Variants in EPHA8 observed in about 807,000 individuals in gnomAD.
The protein encoded by EPHA8 is EPH receptor A8.
EPHA8 carries 58 observed loss-of-function variants against 103.6 expected under a neutral mutation model. The ratio of observed to expected loss-of-function variants is 0.56; its 90% CI spans 0.45 to 0.70. EPHA8 has a LOEUF of 0.70. Among genes scored for constraint, EPHA8 ranks in the 30% least tolerant of loss-of-function variants. The pLI, the probability that EPHA8 is intolerant of heterozygous loss-of-function variation, is 0.00. For missense variants in EPHA8, 1,304 were observed against 1,395.2 expected (o/e 0.93, Z 1.04); for synonymous variants, 559 against 572.5 (o/e 0.98, Z 0.34).
At chr1:22,596,607 C>T (rs747608796) in intron 9 of EPHA8, among the ~76,000 whole-genome samples, 14 of 152,320 alleles carry the variant, frequency 9.2e-5, no homozygotes, top group Non-Finnish European at 2.1e-4. Context: ...GGTGCAGCCT[C>T]AGACTCCTCC....
Position 22,597,298 on chromosome 1 carries a change from C to T in EPHA8, c.1766-14C>T, listed in dbSNP as rs1056950438. The stretch of plus-strand genomic sequence containing the variant: ...CTCCTGGGCCCCACTGAAGGCCCTC[C>T]TCCCGCCCCTCAGCACCCCCACCTG... On this transcript the variant is annotated splice_polypyrimidine_tract_variant and intron_variant, in intron 9 of 16. Transcript: ENST00000166244. This position sits in a 1 kb window ranked among gnomAD's most constrained non-coding sequence, Gnocchi z 4.6. 1.3e-6 allele frequency: 2 copies of T among 1,589,746 alleles called. No homozygotes were observed. Among genetic ancestry groups the T allele is most frequent in the Non-Finnish European group, 1.7e-6 (2 of 1,162,332 alleles).
At chr1:22,568,170 C>T (rs1224289751) in intron 1 of EPHA8, among the ~76,000 whole-genome samples, 1 of 152,198 alleles carries the variant, frequency 6.6e-6, no homozygotes, top group African/African-American at 2.4e-5. Context: ...TTTCCTGACC[C>T]TCATCCCACC....
At chr1:22,568,924 G>T (rs562858067) in intron 1 of EPHA8, among the ~76,000 whole-genome samples, 1 of 152,334 alleles carries the variant, frequency 6.6e-6, no homozygotes, top group East Asian at 1.9e-4. Flanking sequence ...GAGGGGGCTT[G>T]CCCAGGGACT....
intron 16 of EPHA8, 60 bp downstream of exon 16, chr1:22,601,533 C>G: frequency 6.2e-7 from 1 of 1,600,918 alleles, no homozygotes; most frequent in Non-Finnish European, 8.5e-7. Flanking sequence ...GGACCCCTGC[C>G]GGGGAGGCTA....
At position 22,601,724 on chromosome 1, in the gene EPHA8, C is replaced by T. The variant is rs1275624041; in HGVS notation, c.3001C>T (p.Pro1001Ser). 1 of 1,562,652 alleles carries T rather than the reference C, an allele frequency of 6.4e-7. No individual in the cohort carries two copies. Among genetic ancestry groups the T allele is most frequent in the Non-Finnish European group, 8.7e-7 (1 of 1,153,764 alleles). The change falls in exon 17 of 17, where the codon CCC (proline) becomes TCC (serine). Residue 1001 changes from proline (P) to serine (S), a missense_variant. By Grantham distance (74) the Pro-to-Ser change is moderately conservative. Coordinates refer to ENST00000166244, the MANE Select transcript of EPHA8 (RefSeq NM_020526.5). ...GGCCCAGCTGACCAGCACCCAGGGG[C>T]CCCGCCGGCACCTCTGATGTACAGC... ...MRAQLTSTQGPRRHL is the reference protein window; with the variant it reads ...MRAQLTSTQGSRRHL
chr1:22,594,953 C>T (rs1008481277), intron 7 of EPHA8, among the ~76,000 whole-genome samples: 3 of 152,310 alleles, frequency 2.0e-5, no homozygotes, highest in Admixed American at 2.0e-4. Context: ...TCAGAGGACA[C>T]GCGACTCTTC....
chr1:22,595,212 C>G lies in EPHA8; in HGVS notation c.1604-18C>G. 1 of 1,599,252 alleles carries G rather than the reference C, an allele frequency of 6.3e-7. No individual in the cohort carries two copies. Among genetic ancestry groups the G allele is most frequent in the East Asian group, 2.3e-5 (1 of 44,410 alleles). On this transcript the variant is annotated intron_variant, in intron 7 of 16. Coordinates refer to ENST00000166244, the MANE Select transcript of EPHA8 (RefSeq NM_020526.5). ...AGGGCTGAGAGCCTGGTCCCCCAACCCTGGCTTTCCCCTGCAGGGCCCCGC... is the reference window on the plus strand; with the variant it reads ...AGGGCTGAGAGCCTGGTCCCCCAACGCTGGCTTTCCCCTGCAGGGCCCCGC...
intron 5 of EPHA8, among the ~76,000 whole-genome samples, chr1:22,590,080 C>T (rs1210037250): frequency 1.3e-5 from 2 of 152,230 alleles, no homozygotes; most frequent in East Asian, 3.9e-4. Context: ...TGCTCCCTGA[C>T]GCCAGGGCCT....
chr1:22,574,443 G>A (rs543490730), intron 2 of EPHA8, among the ~76,000 whole-genome samples: 16 of 152,164 alleles, frequency 1.1e-4, no homozygotes, highest in Non-Finnish European at 1.6e-4. Flanking sequence ...CCTGCAAAAC[G>A]GAAACTCCAC....
chr1:22,601,410 A>AC lies in EPHA8; in HGVS notation c.2842dup (p.Arg948ProfsTer82). 1 of 1,611,288 alleles carries AC rather than the reference A, an allele frequency of 6.2e-7. No individual in the cohort carries two copies. On this transcript the variant is annotated frameshift_variant, in exon 16 of 17. Transcript: ENST00000166244. LOFTEE classifies it high-confidence loss of function. Reference sequence around the variant, plus strand: ...CTGGACTCCATCCGCATGGGCCGGTACCGAGACCACTTCGCTGCGGGCGGA... The same window carrying AC: ...CTGGACTCCATCCGCATGGGCCGGTACCCGAGACCACTTCGCTGCGGGCGGA...
At chr1:22,583,391 T>G (rs1219203105) in intron 3 of EPHA8, among the ~76,000 whole-genome samples, 2 of 152,370 alleles carry the variant, frequency 1.3e-5, no homozygotes, top group East Asian at 3.9e-4. Context: ...GTGTGAGAAC[T>G]GCCGACTGGT....
chr1:22,596,591 G>A (rs1172984918), intron 9 of EPHA8, among the ~76,000 whole-genome samples: 2 of 152,140 alleles, frequency 1.3e-5, no homozygotes, highest in Non-Finnish European at 2.9e-5. Flanking sequence ...ATTCCCACCA[G>A]GCCTGGGTGC....
chr1:22,576,874 T>C lies in EPHA8; in HGVS notation c.817T>C (p.Cys273Arg), dbSNP rs762414738. Residue 273 changes from cysteine (C) to arginine (R), a missense_variant, in exon 3 of 17, where the codon TGT becomes CGT. By Grantham distance (180) the Cys-to-Arg change is radical. Transcript: ENST00000166244. This position sits in a 1 kb window ranked among gnomAD's most constrained non-coding sequence, Gnocchi z 4.8. ...SAGYEERRDA[C>R]VACELGFYKS... ...CGGCTACGAGGAGCGGCGGGATGCCTGTGTGGGTGAGCGCGCCATGGCCTG... is the reference window on the plus strand; with the variant it reads ...CGGCTACGAGGAGCGGCGGGATGCCCGTGTGGGTGAGCGCGCCATGGCCTG... The C allele has an allele frequency of 1.3e-6, 2 of 1,586,942 alleles. No individual in the cohort carries two copies. The highest frequency in any genetic ancestry group is 2.3e-5 in the South Asian group (2 of 87,698).
Position 22,576,215 on chromosome 1 carries a change from A to G in EPHA8, c.160-2A>G, listed in dbSNP as rs368392816. On this transcript the variant is annotated splice_acceptor_variant, in intron 2 of 16. Coordinates refer to ENST00000166244, the MANE Select transcript of EPHA8 (RefSeq NM_020526.5). LOFTEE classifies it high-confidence loss of function. The surrounding 1 kb of genome is among the most constrained non-coding windows in gnomAD (Gnocchi z 4.8). ...TAGTGGCTGTGTTCTCTCTGCCCAC[A>G]GTGGGACTCCATCAACGAGGTGGAC... 1.9e-6 allele frequency: 3 copies of G among 1,603,236 alleles called. No individual in the cohort carries two copies. The highest frequency in any genetic ancestry group is 2.6e-6 in the Non-Finnish European group (3 of 1,173,680).
In EPHA8 at chr1:22,576,209, G is replaced by A. The variant is rs376622301; in HGVS notation, c.160-8G>A. 4.5e-5 allele frequency: 72 copies of A among 1,598,578 alleles called. No individual in the cohort carries two copies. The highest frequency in any genetic ancestry group is 5.8e-5 in the Non-Finnish European group (68 of 1,170,946). On this transcript the variant is annotated splice_region_variant and splice_polypyrimidine_tract_variant and intron_variant, in intron 2 of 16. Transcript: ENST00000166244. The surrounding 1 kb of genome is among the most constrained non-coding windows in gnomAD (Gnocchi z 4.8). Reference sequence around the variant, plus strand: ...CTGCTGTAGTGGCTGTGTTCTCTCTGCCCACAGTGGGACTCCATCAACGAG... The same window carrying A: ...CTGCTGTAGTGGCTGTGTTCTCTCTACCCACAGTGGGACTCCATCAACGAG...
Position 22,569,297 on chromosome 1 carries a change from C to G in EPHA8, c.103C>G (p.Leu35Val), listed in dbSNP as rs773672647. 1.7e-5 allele frequency: 28 copies of G among 1,612,752 alleles called. No individual in the cohort carries two copies. The highest frequency in any genetic ancestry group is 2.3e-5 in the Non-Finnish European group (27 of 1,179,366). Residue 35 changes from leucine to valine, a missense_variant, in exon 2 of 17, where the codon CTG becomes GTG. Transcript: ENST00000166244. The surrounding 1 kb of genome is among the most constrained non-coding windows in gnomAD (Gnocchi z 4.5). ...TGTCTCCTGTTTTACAGTGAATTTG[C>G]TGGACACGTCGACCATCCACGGGGA... is the stretch of plus-strand genomic sequence containing the variant. ...VSAARGEVNL[L>V]DTSTIHGDWG...
At chr1:22,566,565 G>A (rs1640364653) in intron 1 of EPHA8, among the ~76,000 whole-genome samples, 1 of 152,242 alleles carries the variant, frequency 6.6e-6, no homozygotes, top group African/African-American at 2.4e-5. Flanking sequence ...AACTGAGGCA[G>A]AGGGGTTAAG....
At position 22,589,753 on chromosome 1, in the gene EPHA8, C is replaced by G. The variant is rs1433647706; in HGVS notation, c.1315+547C>G. 2 of 908,320 alleles carry G rather than the reference C, an allele frequency of 2.2e-6. No individual in the cohort carries two copies. The highest frequency in any genetic ancestry group is 3.6e-5 in the African/African-American group (2 of 55,808). 56.3% of individuals were successfully genotyped at this position (908,320 alleles called of 1,614,324 possible). On this transcript the variant is annotated intron_variant, in intron 5 of 16. Coordinates refer to ENST00000166244, the MANE Select transcript of EPHA8 (RefSeq NM_020526.5). This position sits in a 1 kb window ranked among gnomAD's most constrained non-coding sequence, Gnocchi z 4.3. ...TGGTGGGCTGAATTCACCCCCGGAA[C>G]CTCTTTCTTCCCAAACTCTGGAGGA... is the stretch of plus-strand genomic sequence containing the variant.
chr1:22,585,048 TGTGCGCACGC>T lies in EPHA8; in HGVS notation c.824-1428_824-1419del, dbSNP rs1452208079. Among the ~76,000 whole-genome samples the T allele has an allele frequency of 2.6e-4, 29 of 111,340 alleles. No individual in the cohort carries two copies. The South Asian group carries it at 3.0e-3, about 12-fold the overall frequency. 73.0% of individuals were successfully genotyped at this position (111,340 alleles called of 152,430 possible). A position where few individuals can be genotyped will look rare whatever the true frequency, so the allele number is the denominator to read the frequency against. ...TTCTCTGTGTGTGTGTGTGTGTGTG[TGTGCGCACGC>T]GTGTGTCTAGAGTTCCAGAAGGGAC... On this transcript the variant is annotated intron_variant, in intron 3 of 16. Transcript: ENST00000166244.
Sources: allele counts gnomAD v4.1 joint callset (sites outside exome capture counted in the v4.1 genomes callset), GRCh38; gene constraint gnomAD v4.1.1; non-coding constraint Gnocchi (gnomAD v3.1); transcripts MANE v1.5; gene names NCBI Gene and HGNC (gene_info 2026-07-23, HGNC 2026-07-21).